The following NUP210L variants were observed in gnomAD, a reference collection of about 807,000 sequenced individuals.
NUP210L encodes nuclear pore membrane glycoprotein 210-like.
A neutral mutation model predicts 208.5 loss-of-function variants in NUP210L; 74 were observed. The ratio of observed to expected loss-of-function variants is 0.35; its 90% confidence interval spans 0.29 to 0.43. The LOEUF (loss-of-function observed/expected upper bound fraction) is 0.43. Ranked by LOEUF, NUP210L falls within the 20% of genes least tolerant of loss-of-function variation. NUP210L has a pLI of 1.00. For missense variants in NUP210L, 1,843 were observed against 2,289.4 expected (o/e 0.81, Z 3.98); for synonymous variants, 780 against 816.9 (o/e 0.95, Z 0.77).
chr1:154,129,301 A>T, exon 8 of NUP210L: 1 of 1,610,164 alleles, frequency 6.2e-7, no homozygotes, highest in Non-Finnish European at 8.5e-7. Flanking sequence ...TCTACAACAT[A>T]TATGGTGCAA....
chr1:154,014,363 C>T (rs893602539), intron 33 of NUP210L, among the ~76,000 whole-genome samples: 1 of 152,146 alleles, frequency 6.6e-6, no homozygotes. Context: ...ACCATTTCCT[C>T]CTTTGCCTTC....
At chr1:154,115,940 G>A (rs1657298756) in intron 12 of NUP210L, among the ~76,000 whole-genome samples, 1 of 151,962 alleles carries the variant, frequency 6.6e-6, no homozygotes, top group South Asian at 2.1e-4. Flanking sequence ...CCATAATGGT[G>A]AAACCCCGTC....
At chr1:154,022,618 T>C (rs558425767) in intron 31 of NUP210L, among the ~76,000 whole-genome samples, 1 of 151,986 alleles carries the variant, frequency 6.6e-6, no homozygotes, top group South Asian at 2.1e-4. Context: ...CTTGACAGAT[T>C]TAAGATATCC....
chr1:154,015,122 G>A (rs1651164061), intron 33 of NUP210L, among the ~76,000 whole-genome samples: 1 of 152,124 alleles, frequency 6.6e-6, no homozygotes, highest in Non-Finnish European at 1.5e-5. Flanking sequence ...GTTAATGTGT[G>A]CCATGGTGGT....
chr1:154,063,783 A>C (rs867115215), intron 17 of NUP210L, among the ~76,000 whole-genome samples: 13 of 152,196 alleles, frequency 8.5e-5, no homozygotes, highest in African/African-American at 2.9e-4. Flanking sequence ...AGCTCAGTAA[A>C]TAGCAACCAA....
chr1:154,044,521 T>A (rs2147968592), intron 27 of NUP210L, among the ~76,000 whole-genome samples: 1 of 152,258 alleles, frequency 6.6e-6, no homozygotes, highest in East Asian at 1.9e-4. Flanking sequence ...CTCTAGGAAG[T>A]CACAGACAGA....
Position 154,028,420 on chromosome 1 carries a change from C to A in NUP210L, c.3856-823G>T, listed in dbSNP as rs928577419. Among the ~76,000 whole-genome samples the A allele has an allele frequency of 2.6e-5, 4 of 152,110 alleles. No homozygotes were observed. The South Asian group carries it at 8.3e-4, about 32-fold the overall frequency. ...TGGTCAACATAACGAAACTCCATCT[C>A]TACTAAAAATACAAAAAGTAGCCAG... On this transcript the variant is annotated intron_variant, in intron 28 of 39. Transcript: ENST00000368559.
intron 17 of NUP210L, among the ~76,000 whole-genome samples, chr1:154,068,065 T>C (rs549214118): frequency 2.1e-4 from 32 of 152,186 alleles, no homozygotes; most frequent in Middle Eastern, 3.4e-3. Flanking sequence ...AAGCTACCAA[T>C]GACTTTTTTC....
exon 15 of NUP210L, chr1:154,094,938 T>C (rs1335980333): frequency 2.5e-6 from 4 of 1,611,932 alleles, no homozygotes; most frequent in Admixed American, 1.7e-5. Context: ...TTCCTACTTG[T>C]TCCCCTAAAT....
chr1:153,996,394 C>T (rs1649868678), intron 37 of NUP210L, among the ~76,000 whole-genome samples: 1 of 152,142 alleles, frequency 6.6e-6, no homozygotes, highest in South Asian at 2.1e-4. Flanking sequence ...TATGCTGATT[C>T]CATTTATAAT....
intron 31 of NUP210L, 140 bp downstream of exon 31, chr1:154,022,982 A>G (rs1651652615): frequency 2.3e-6 from 2 of 866,608 alleles, no homozygotes; most frequent in African/African-American, 1.8e-5. Context: ...GGCCTCACTT[A>G]AAAAAATTTT....
intron 10 of NUP210L, among the ~76,000 whole-genome samples, chr1:154,122,385 G>A (rs748131267): frequency 9.2e-5 from 14 of 152,130 alleles, no homozygotes; most frequent in East Asian, 1.9e-4. Context: ...GGCCCAGCGC[G>A]GTGGCTCACG....
At chr1:154,002,083 A>G in intron 35 of NUP210L, 98 bp from the exon 36 acceptor site, 2 of 1,242,318 alleles carry the variant, frequency 1.6e-6, no homozygotes, top group Non-Finnish European at 2.3e-6. Flanking sequence ...ATGCAAATTC[A>G]GCAAAAGAGA....
At chr1:154,030,197 GACTACA>G in intron 27 of NUP210L, 143 bp from the exon 28 acceptor site, 1 of 517,572 alleles carries the variant, frequency 1.9e-6, no homozygotes, top group Non-Finnish European at 3.2e-6. Flanking sequence ...AGGGATAGAA[GACTACA>G]AATAGGGAGC....
chr1:154,110,282 A>ATT (rs1414124275), intron 12 of NUP210L, among the ~76,000 whole-genome samples: 2 of 142,246 alleles, frequency 1.4e-5, no homozygotes, highest in East Asian at 2.0e-4. Context: ...CCAATGTTGT[A>ATT]TTTTTTTTTT....
rs946419187 is a variant in NUP210L, at chr1:154,022,513, G to A, written c.4299-170C>T. 1.1e-4 allele frequency among the ~76,000 whole-genome samples: 17 copies of A among 151,250 alleles called. No individual in the cohort carries two copies. The East Asian group carries it at 2.1e-3, about 19-fold the overall frequency. ...AAGGATCAGTCTATTACCTTCATAC[G>A]TATAGTTCCCAGGAAGGCTTTTTTT... is the stretch of plus-strand genomic sequence containing the variant. On this transcript the variant is annotated intron_variant, in intron 31 of 39. Coordinates refer to ENST00000368559, the Ensembl canonical transcript of NUP210L.
At chr1:154,104,127 A>G in exon 13 of NUP210L, 1 of 1,613,928 alleles carries the variant, frequency 6.2e-7, no homozygotes, top group Non-Finnish European at 8.5e-7. Context: ...GATACATTGC[A>G]ATGGGTATTT....
intron 32 of NUP210L, 134 bp from the exon 33 acceptor site, chr1:154,019,203 A>G (rs1651422429): frequency 6.2e-6 from 5 of 802,598 alleles, no homozygotes; most frequent in African/African-American, 1.7e-5. Flanking sequence ...AGCTTTGAAG[A>G]TAACTGTTTT....
intron 33 of NUP210L, 102 bp from the exon 34 acceptor site, chr1:154,012,472 A>G (rs1650981929): frequency 1.8e-6 from 2 of 1,094,956 alleles, no homozygotes; most frequent in South Asian, 3.1e-5. Flanking sequence ...TATCTGTTTC[A>G]CACAAGTACA....
Sources: gnomAD v4.1 joint callset for allele counts (sites outside exome capture counted in the v4.1 genomes callset) on GRCh38, gnomAD v4.1.1 for gene constraint, MANE v1.5 for transcripts, NCBI Gene and HGNC (gene_info 2026-07-23, HGNC 2026-07-21) for gene names.